The following SIN3A variants were observed in gnomAD, a reference collection of about 807,000 sequenced individuals.
The protein encoded by SIN3A is SIN3 transcription regulator family member A, also known as paired amphipathic helix protein Sin3a.
Under a neutral mutation model 146.1 loss-of-function variants are expected in SIN3A, and 14 were observed. The observed-to-expected ratio is 0.10, with a 90% confidence interval of 0.06 to 0.15. The LOEUF (loss-of-function observed/expected upper bound fraction) is 0.15. SIN3A is among the 10% of genes least tolerant of loss of function. The probability of loss-of-function intolerance (pLI) is 1.00; values close to 1 mark genes in which losing one functional copy is unlikely to be tolerated. For synonymous variants in SIN3A, 572 were observed against 572.0 expected, an observed-to-expected ratio of 1.00 and a Z score of 0.00; for missense variants, 1,028 against 1,576.0, an observed-to-expected ratio of 0.65 and a Z score of 5.89.
At chr15:75,455,197 T>A (rs2074471889), upstream of SIN3A, among the ~76,000 whole-genome samples, 1 of 151,802 alleles carries the variant, frequency 6.6e-6, no homozygotes, top group Non-Finnish European at 1.5e-5. Flanking sequence ...CTGCCGCCCT[T>A]GTCCAGCGTG....
chr15:75,442,596 T>C (rs956555809), intron 1 of SIN3A, among the ~76,000 whole-genome samples: 1 of 127,320 alleles, frequency 7.9e-6, no homozygotes, highest in Non-Finnish European at 1.6e-5. Context: ...CTGGGCAACA[T>C]AGTGAGATAG....
chr15:75,422,425 A>ATTC, intron 3 of SIN3A: 1 of 619,118 alleles, frequency 1.6e-6, no homozygotes, highest in South Asian at 1.9e-5. Flanking sequence ...ACCGACATGC[A>ATTC]TTCATACAGT....
In SIN3A at chr15:75,371,846, G is replaced by A; in HGVS notation, c.*133C>T. The A allele has an allele frequency of 2.7e-6, 2 of 743,598 alleles. No individual in the cohort carries two copies. The highest frequency in any genetic ancestry group is 2.7e-5 in the East Asian group (1 of 36,884). The allele number at this position is 743,598 out of a possible 1,614,324, so 46.1% of individuals were successfully genotyped here. The stretch of plus-strand genomic sequence containing the variant: ...TGCCAGGCTGCACCAGCCACACACA[G>A]GTCAGGTGGCCATGTCCCAGAGAGG... On this transcript the variant is annotated 3_prime_UTR_variant, in exon 21 of 21. Transcript: ENST00000394947.
intron 13 of SIN3A, 139 bp downstream of exon 13, chr15:75,396,119 C>G: frequency 1.5e-6 from 1 of 683,230 alleles, no homozygotes; most frequent in Non-Finnish European, 2.6e-6. Context: ...CCATTCTGCA[C>G]CTGAATTCCA....
rs374316993 is a variant in SIN3A, at chr15:75,392,510, G to C, written c.2583C>G (p.Pro861=). ...VKKHNGVGGS[P]PKSKLLFSNT... ...TACTAAACAGTAACTTGGACTTAGG[G>C]GGACTGCCCCCAACACCATTGTGCT... The change falls in exon 15 of 21, where the codon CCC becomes CCG. Residue 861 remains proline, a synonymous_variant. Coordinates refer to ENST00000394947, the MANE Select transcript of SIN3A (RefSeq NM_001145358.2). 9.5e-5 allele frequency: 154 copies of C among 1,613,982 alleles called. No homozygotes were observed. The highest frequency in any genetic ancestry group is 2.3e-4 in the Admixed American group (14 of 59,994).
chr15:75,385,862 A>G (rs1211321935), intron 16 of SIN3A, among the ~76,000 whole-genome samples: 1 of 152,220 alleles, frequency 6.6e-6, no homozygotes, highest in Non-Finnish European at 1.5e-5. Flanking sequence ...ATAAATCACA[A>G]TGAGTCCAGA....
chr15:75,380,478 G>A, intron 19 of SIN3A, 151 bp downstream of exon 19: 2 of 613,036 alleles, frequency 3.3e-6, no homozygotes, highest in Non-Finnish European at 3.0e-6. Flanking sequence ...AGCTCATGTT[G>A]TGACAGCCAT....
intron 2 of SIN3A, among the ~76,000 whole-genome samples, chr15:75,429,246 C>A (rs562140037): frequency 6.6e-6 from 1 of 151,978 alleles, no homozygotes; most frequent in Admixed American, 6.6e-5. Flanking sequence ...CACAGCAACA[C>A]CTCATCTCTA....
chr15:75,406,610 C>A (rs2073520802), intron 9 of SIN3A, among the ~76,000 whole-genome samples: 1 of 152,134 alleles, frequency 6.6e-6, no homozygotes, highest in Non-Finnish European at 1.5e-5. Flanking sequence ...TGGCGTGAAC[C>A]CCAGGAGGCG....
intron 3 of SIN3A, among the ~76,000 whole-genome samples, chr15:75,416,973 C>T (rs2073749590): frequency 6.6e-6 from 1 of 151,686 alleles, no homozygotes; most frequent in Non-Finnish European, 1.5e-5. Context: ...AAGTGTCAAC[C>T]TTCACTCTAA....
Position 75,409,828 on chromosome 15 carries a change from A to G in SIN3A, c.1317+8T>C, listed in dbSNP as rs1230296248. On this transcript the variant is annotated splice_region_variant and intron_variant, in intron 8 of 20. Transcript: ENST00000394947. ...GTGTCAAAATGAGCAGCTGCTGCCC[A>G]TTCTCACCTTAACTGGAGGGGTGGT... 32 of 1,611,714 alleles carry G rather than the reference A, an allele frequency of 2.0e-5. No homozygotes were observed. The highest frequency in any genetic ancestry group is 2.6e-5 in the Non-Finnish European group (31 of 1,179,604).
intron 2 of SIN3A, among the ~76,000 whole-genome samples, chr15:75,423,626 C>A (rs2073876918): frequency 6.6e-6 from 1 of 151,970 alleles, no homozygotes; most frequent in Non-Finnish European, 1.5e-5. Flanking sequence ...TGCAGTGAGC[C>A]AAGATCGTGC....
intron 9 of SIN3A, among the ~76,000 whole-genome samples, chr15:75,402,341 G>A (rs998198486): frequency 6.6e-6 from 1 of 151,812 alleles, no homozygotes; most frequent in Non-Finnish European, 1.5e-5. Context: ...CTGAAACCCC[G>A]TCTCTACTAA....
intron 16 of SIN3A, 42 bp from the exon 17 acceptor site, chr15:75,384,479 C>A: frequency 1.4e-6 from 2 of 1,396,318 alleles, no homozygotes; most frequent in Non-Finnish European, 1.9e-6. Flanking sequence ...ACACAGAAAA[C>A]ATTTCTCCAT....
intron 1 of SIN3A, among the ~76,000 whole-genome samples, chr15:75,439,946 T>C (rs2074174536): frequency 6.7e-6 from 1 of 149,372 alleles, no homozygotes; most frequent in African/African-American, 2.5e-5. Flanking sequence ...AGGTCAGGAG[T>C]TCAAGACCAG....
At chr15:75,417,481 T>C (rs1413576247) in intron 3 of SIN3A, among the ~76,000 whole-genome samples, 1 of 151,718 alleles carries the variant, frequency 6.6e-6, no homozygotes, top group Non-Finnish European at 1.5e-5. Context: ...GTTCAAGTGA[T>C]ATCTCCTGCC....
chr15:75,418,027 TTTA>T (rs759274162), intron 3 of SIN3A, among the ~76,000 whole-genome samples: 3 of 151,892 alleles, frequency 2.0e-5, no homozygotes, highest in South Asian at 4.1e-4. Context: ...ATTTATTTTA[TTTA>T]TTATTATTAT....
upstream of SIN3A, chr15:75,454,948 T>C (rs1333088606): frequency 6.6e-6 from 1 of 152,158 alleles, no homozygotes; most frequent in Non-Finnish European, 1.5e-5. Context: ...CGGCACCGAA[T>C]GCTGACTCGA....
intron 6 of SIN3A, among the ~76,000 whole-genome samples, chr15:75,411,160 C>T (rs2073631137): frequency 6.6e-6 from 1 of 152,054 alleles, no homozygotes; most frequent in East Asian, 1.9e-4. Context: ...AATCCCATTT[C>T]TACTAACAAT....
Sources: gnomAD v4.1 joint callset for allele counts (sites outside exome capture counted in the v4.1 genomes callset) on GRCh38, gnomAD v4.1.1 for gene constraint, MANE v1.5 for transcripts, NCBI Gene and HGNC (gene_info 2026-07-23, HGNC 2026-07-21) for gene names.